The following HIP1 variants were observed in gnomAD, a reference collection of about 807,000 sequenced individuals.
HIP1 encodes the protein huntingtin-interacting protein 1.
Under a neutral mutation model 147.6 loss-of-function variants are expected in HIP1, and 65 were observed. That is an observed-to-expected ratio of 0.44 (90% CI 0.36 to 0.54). HIP1 has a LOEUF of 0.54. Among genes scored for constraint, HIP1 ranks in the 20% least tolerant of loss-of-function variants. The probability of loss-of-function intolerance (pLI) is 0.00; values close to 1 mark genes in which losing one functional copy is unlikely to be tolerated. For missense variants in HIP1, 1,061 were observed against 1,299.6 expected, an observed-to-expected ratio of 0.82 and a Z score of 2.82; for synonymous variants, 479 against 504.0, an observed-to-expected ratio of 0.95 and a Z score of 0.67.
rs1793982011 is a variant in HIP1 at position 75,533,647 on chromosome 7, C to T, written c.*4525G>A. The T allele has an allele frequency of 4.3e-6, 1 of 232,534 alleles. No individual in the cohort carries two copies. The highest frequency in any genetic ancestry group is 8.5e-6 in the Non-Finnish European group (1 of 117,660). The allele number at this position is 232,534 out of a possible 1,614,324, so 14.4% of individuals were successfully genotyped here. A position where few individuals can be genotyped will look rare whatever the true frequency, so the allele number is the denominator to read the frequency against. On this transcript the variant is annotated 3_prime_UTR_variant, in exon 31 of 31. Transcript: ENST00000336926. Reference sequence around the variant, plus strand: ...GAGTGGTAATCAGTTTCATTTAGGGCCTTCAAACCTGAGGTAGTTGAGGGT... The same window carrying T: ...GAGTGGTAATCAGTTTCATTTAGGGTCTTCAAACCTGAGGTAGTTGAGGGT...
chr7:75,581,833 G>T (rs1217675226), intron 6 of HIP1, among the ~76,000 whole-genome samples: 5 of 152,106 alleles, frequency 3.3e-5, no homozygotes, highest in African/African-American at 1.2e-4. Context: ...AGGTACCAGT[G>T]TTGGAGTCAG....
At position 75,554,525 on chromosome 7, in the gene HIP1, A is replaced by T; in HGVS notation, c.1965T>A (p.Asp655Glu). ...PPLISCAGSA[D>E]HLLSTVTSIS... ...TGGATGTGACCGTGGAGAGGAGGTG[A>T]TCTGTGAGAGGGAACACAGGGCAAG... is the stretch of plus-strand genomic sequence containing the variant. Residue 655 changes from aspartate (D) to glutamate (E), a missense_variant and splice_region_variant, in exon 20 of 31, where the codon GAT becomes GAA. Coordinates refer to ENST00000336926, the MANE Select transcript of HIP1 (RefSeq NM_005338.7). The T allele has an allele frequency of 6.2e-7, 1 of 1,613,048 alleles. No individual in the cohort carries two copies. The highest frequency in any genetic ancestry group is 8.5e-7 in the Non-Finnish European group (1 of 1,179,270).
chr7:75,605,776 T>A (rs1797201174), intron 1 of HIP1, among the ~76,000 whole-genome samples: 1 of 152,166 alleles, frequency 6.6e-6, no homozygotes, highest in Non-Finnish European at 1.5e-5. Flanking sequence ...CCTGAGGTGA[T>A]CCCCCTGCCT....
chr7:75,565,353 T>C (rs1795365107), intron 9 of HIP1, among the ~76,000 whole-genome samples: 2 of 152,216 alleles, frequency 1.3e-5, no homozygotes, highest in African/African-American at 4.8e-5. Flanking sequence ...CTTGCTGGTT[T>C]GGAGCCAACA....
intron 1 of HIP1, among the ~76,000 whole-genome samples, chr7:75,619,009 G>A (rs1797755879): frequency 6.6e-6 from 1 of 152,062 alleles, no homozygotes; most frequent in Non-Finnish European, 1.5e-5. Flanking sequence ...GAATCGCTGT[G>A]TGTAGAAAGA....
chr7:75,606,700 G>C (rs587752336), intron 1 of HIP1, among the ~76,000 whole-genome samples: 1 of 152,132 alleles, frequency 6.6e-6, no homozygotes, highest in African/African-American at 2.4e-5. Context: ...GAGGCCAGGC[G>C]GCTCTTGGGT....
intron 4 of HIP1, among the ~76,000 whole-genome samples, chr7:75,589,141 ACT>A (rs1796388421): frequency 6.6e-6 from 1 of 151,022 alleles, no homozygotes; most frequent in African/African-American, 2.4e-5. Flanking sequence ...CAAGAGCAAA[ACT>A]CTGTCTTAAA....
chr7:75,620,153 G>A (rs1730270550), intron 1 of HIP1, among the ~76,000 whole-genome samples: 1 of 152,182 alleles, frequency 6.6e-6, no homozygotes, highest in African/African-American at 2.4e-5. Flanking sequence ...GGGAGGCCAA[G>A]GTGGGTGGAT....
rs150742489 is a variant in HIP1 at position 75,718,322 on chromosome 7, A to C, written c.120+20479T>G. On this transcript the variant is annotated intron_variant, in intron 1 of 30. Transcript: ENST00000336926. ...CAGTAAAGTATGATCATACTACTGC[A>C]CTCCAGCCTGGGCAATAGAGGAAGA... Among the ~76,000 whole-genome samples, 832 of 151,964 alleles carry C rather than the reference A, an allele frequency of 5.5e-3. 12 individuals are homozygous for C. The highest frequency in any genetic ancestry group is 0.019 in the African/African-American group (771 of 41,422).
intron 4 of HIP1, among the ~76,000 whole-genome samples, chr7:75,588,195 C>T (rs1252759828): frequency 1.6e-4 from 24 of 152,162 alleles, no homozygotes; most frequent in Admixed American, 1.4e-3. Context: ...TGATCTCAAT[C>T]GAAGCAAATG....
chr7:75,556,729 C>T lies in HIP1; in HGVS notation c.1664G>A (p.Ser555Asn), dbSNP rs1554493428. The change falls in exon 17 of 31, where the codon AGC becomes AAC. Residue 555 changes from serine to asparagine, a missense_variant. Physicochemically the swap from Ser to Asn is conservative, Grantham distance 46. Around this residue, in one of 3 missense-constraint regions of HIP1, gnomAD observed 810 missense variants for 946.8 expected, o/e 0.86. Coordinates refer to ENST00000336926, the MANE Select transcript of HIP1 (RefSeq NM_005338.7). ...SQRELQVLQG[S>N]LETSAQSEAN... ...ATTTACCTGGGCAGAAGTTTCCAGG[C>T]TGCCTTGCAGAACCTGAAGCTCCCG... 1.9e-6 allele frequency: 3 copies of T among 1,611,362 alleles called. No homozygotes were observed. The African/African-American group carries it at 4.0e-5, about 22-fold the overall frequency.
At chr7:75,576,210 A>G (rs1177561001) in intron 7 of HIP1, among the ~76,000 whole-genome samples, 6 of 152,230 alleles carry the variant, frequency 3.9e-5, no homozygotes, top group Non-Finnish European at 8.8e-5. Flanking sequence ...ATAACAGTGC[A>G]TACCTCGTAA....
intron 1 of HIP1, among the ~76,000 whole-genome samples, chr7:75,621,384 G>A (rs1221893973): frequency 6.6e-6 from 1 of 152,148 alleles, no homozygotes; most frequent in African/African-American, 2.4e-5. Context: ...ACTGACCTTT[G>A]TTCCACATAA....
At chr7:75,609,276 A>G (rs1797338177) in intron 1 of HIP1, among the ~76,000 whole-genome samples, 2 of 152,030 alleles carry the variant, frequency 1.3e-5, no homozygotes, top group Admixed American at 1.3e-4. Context: ...AGCCCACTCT[A>G]TGGTTTGGGG....
At chr7:75,721,670 G>C (rs1801507618) in intron 1 of HIP1, among the ~76,000 whole-genome samples, 2 of 152,236 alleles carry the variant, frequency 1.3e-5, no homozygotes, top group African/African-American at 4.8e-5. Flanking sequence ...GCCCTAAGCA[G>C]AGGACAGAAG....
intron 25 of HIP1, 92 bp downstream of exon 25, chr7:75,546,847 C>T: frequency 1.1e-6 from 1 of 899,082 alleles, no homozygotes; most frequent in Non-Finnish European, 1.8e-6. Flanking sequence ...GGTGGACACA[C>T]AGAGTAAGAC....
chr7:75,627,844 G>A (rs1223800653), intron 1 of HIP1, among the ~76,000 whole-genome samples: 1 of 152,158 alleles, frequency 6.6e-6, no homozygotes, highest in African/African-American at 2.4e-5. Context: ...CAGGATGATG[G>A]TCAAGGGGAG....
intron 21 of HIP1, among the ~76,000 whole-genome samples, 174 bp downstream of exon 21, chr7:75,553,939 T>C (rs1666990039): frequency 6.6e-6 from 1 of 152,252 alleles, no homozygotes; most frequent in East Asian, 1.9e-4. Flanking sequence ...GAGATGGGGT[T>C]TTGCCATGTT....
At chr7:75,698,575 T>C (rs117639119) in intron 1 of HIP1, among the ~76,000 whole-genome samples, 1,660 of 152,240 alleles carry the variant, frequency 0.011, 16 homozygotes, top group South Asian at 0.026. Context: ...CCCAGCACTT[T>C]GGGAGGCCAA....
Sources: gnomAD v4.1 joint callset for allele counts (sites outside exome capture counted in the v4.1 genomes callset) on GRCh38, gnomAD v4.1.1 for gene constraint, gnomAD v4.1.1 regional missense constraint, MANE v1.5 for transcripts, NCBI Gene and HGNC (gene_info 2026-07-23, HGNC 2026-07-21) for gene names.